MARCHF6: variants seen among roughly 807,000 people sequenced by gnomAD.
MARCHF6 encodes the protein membrane associated ring-CH-type finger 6, also known as E3 ubiquitin-protein ligase MARCHF6.
Under a neutral mutation model 133.7 loss-of-function variants are expected in MARCHF6, and 31 were observed. That is an observed-to-expected ratio of 0.23 (90% CI 0.17 to 0.31). MARCHF6 has a LOEUF of 0.31. Ranked by LOEUF, MARCHF6 falls within the 10% of genes least tolerant of loss-of-function variation. The probability of loss-of-function intolerance (pLI) is 1.00; values close to 1 mark genes in which losing one functional copy is unlikely to be tolerated. For synonymous variants in MARCHF6, 395 were observed against 402.5 expected, an observed-to-expected ratio of 0.98 and a Z score of 0.22; for missense variants, 723 against 1,121.6, an observed-to-expected ratio of 0.64 and a Z score of 5.08.
At chr5:10,421,759 T>C (rs1739835825) in intron 22 of MARCHF6, among the ~76,000 whole-genome samples, 1 of 152,132 alleles carries the variant, frequency 6.6e-6, no homozygotes, top group African/African-American at 2.4e-5. Context: ...TCCCTGCCTG[T>C]GAGAAAAAGC....
At chr5:10,410,346 A>G in intron 18 of MARCHF6, 70 bp downstream of exon 18, 2 of 1,541,768 alleles carry the variant, frequency 1.3e-6, no homozygotes, top group Non-Finnish European at 1.8e-6. Context: ...TTCTGGAAAA[A>G]GTATGTTCCA....
At chr5:10,417,845 T>G (rs1197198967) in intron 22 of MARCHF6, among the ~76,000 whole-genome samples, 1 of 152,118 alleles carries the variant, frequency 6.6e-6, no homozygotes, top group Non-Finnish European at 1.5e-5. Context: ...TAAAATTGTT[T>G]AATGCTCTTT....
intron 12 of MARCHF6, 79 bp downstream of exon 12, chr5:10,402,218 C>A: frequency 8.9e-7 from 1 of 1,126,438 alleles, no homozygotes; most frequent in Non-Finnish European, 1.3e-6. Flanking sequence ...CGAAACTTGT[C>A]TATCCTTGTC....
At chr5:10,431,626 A>AGTGT (rs10574367) in intron 25 of MARCHF6, among the ~76,000 whole-genome samples, 2,890 of 148,470 alleles carry the variant, frequency 0.019, 42 homozygotes, top group East Asian at 0.087. Context: ...AGAGTGAGTG[A>AGTGT]GTGTGTGTGT....
At chr5:10,385,972 A>G (rs1179671582) in intron 4 of MARCHF6, among the ~76,000 whole-genome samples, 1 of 151,786 alleles carries the variant, frequency 6.6e-6, no homozygotes, top group African/African-American at 2.4e-5. Flanking sequence ...ACTTTTCTCT[A>G]GCTTAGCATC....
intron 1 of MARCHF6, among the ~76,000 whole-genome samples, chr5:10,357,213 CTTTTT>C (rs35082316): frequency 3.5e-5 from 5 of 144,716 alleles, no homozygotes; most frequent in African/African-American, 5.1e-5. Context: ...CAAGGATATA[CTTTTT>C]TTTTTTTTTT....
chr5:10,429,325 CTG>C (rs1455065603), intron 24 of MARCHF6, among the ~76,000 whole-genome samples: 2 of 151,346 alleles, frequency 1.3e-5, no homozygotes, highest in Non-Finnish European at 2.9e-5. Context: ...CTTCTTTAAA[CTG>C]TGGTGCAGTA....
intron 23 of MARCHF6, 47 bp from the exon 24 acceptor site, chr5:10,426,343 G>A: frequency 6.3e-7 from 1 of 1,597,204 alleles, no homozygotes; most frequent in East Asian, 2.3e-5. Flanking sequence ...TAACTTGGAG[G>A]AATTTGTCTT....
intron 15 of MARCHF6, among the ~76,000 whole-genome samples, chr5:10,404,412 T>C (rs2126770088): frequency 6.6e-6 from 1 of 152,230 alleles, no homozygotes. Flanking sequence ...TTCTTAGTGA[T>C]TTGAAGATGA....
chr5:10,391,689 G>A lies in MARCHF6; in HGVS notation c.724G>A (p.Ala242Thr), dbSNP rs908959812. ...GGAGGACAATGAGGAGGAAGATGAC[G>A]CTGGTGTGGAGGATGCGGCAGATGC... ...EEEDNEEEDDAGVEDAADANN... is the reference protein window; with the variant it reads ...EEEDNEEEDDTGVEDAADANN... Residue 242 changes from alanine to threonine, a missense_variant, in exon 7 of 26, where the codon GCT (alanine) becomes ACT (threonine). Around this residue, in one of 4 missense-constraint regions of MARCHF6, gnomAD observed 97 missense variants for 115.4 expected, o/e 0.84. Transcript: ENST00000274140. 4 of 1,603,378 alleles carry A rather than the reference G, an allele frequency of 2.5e-6. No homozygotes were observed. Among genetic ancestry groups the A allele is most frequent in the African/African-American group, 1.3e-5 (1 of 74,200 alleles).
chr5:10,354,116 C>G (rs1182501831), intron 1 of MARCHF6, 199 bp downstream of exon 1: 1 of 389,488 alleles, frequency 2.6e-6, no homozygotes, highest in Admixed American at 4.8e-5. Flanking sequence ...GCCCGCGCCG[C>G]CGAGGGGGGC....
At chr5:10,380,313 T>G (rs1275504530) in intron 3 of MARCHF6, among the ~76,000 whole-genome samples, 1 of 152,176 alleles carries the variant, frequency 6.6e-6, no homozygotes, top group Non-Finnish European at 1.5e-5. Flanking sequence ...ATATTCATCA[T>G]AAAAAAGTCA....
chr5:10,390,644 G>A, intron 6 of MARCHF6, 144 bp downstream of exon 6: 2 of 807,516 alleles, frequency 2.5e-6, no homozygotes, highest in Non-Finnish European at 3.8e-6. Flanking sequence ...AGGTTTGGGT[G>A]AAGATGAAGA....
chr5:10,428,140 A>C (rs1740186213), intron 24 of MARCHF6, among the ~76,000 whole-genome samples: 1 of 152,120 alleles, frequency 6.6e-6, no homozygotes, highest in Non-Finnish European at 1.5e-5. Context: ...GCAGGATGGC[A>C]TGGGAAACAG....
At chr5:10,393,466 A>G (rs1181583789) in intron 7 of MARCHF6, among the ~76,000 whole-genome samples, 3 of 152,152 alleles carry the variant, frequency 2.0e-5, no homozygotes, top group Non-Finnish European at 4.4e-5. Flanking sequence ...CGACTTGTGT[A>G]ATGGTAACAG....
At chr5:10,400,155 T>C (rs1738436659) in intron 10 of MARCHF6, among the ~76,000 whole-genome samples, 1 of 152,182 alleles carries the variant, frequency 6.6e-6, no homozygotes, top group African/African-American at 2.4e-5. Flanking sequence ...TGTTTTTCCC[T>C]TTACCATTAT....
intron 21 of MARCHF6, among the ~76,000 whole-genome samples, chr5:10,416,408 T>A (rs960133157): frequency 1.3e-5 from 2 of 152,248 alleles, no homozygotes; most frequent in African/African-American, 2.4e-5. Flanking sequence ...TCCATTTTTA[T>A]AGTGAGAGAT....
Position 10,391,590 on chromosome 5 carries a change from G to C in MARCHF6, c.625G>C (p.Ala209Pro). The C allele has an allele frequency of 6.2e-7, 1 of 1,613,118 alleles. No homozygotes were observed. ...GAENVAADQP[A>P]NPPAENAVVG... is the part of the protein sequence containing the mutation. The stretch of plus-strand genomic sequence containing the variant: ...AGAAAATGTTGCTGCTGATCAGCCT[G>C]CTAACCCACCAGCTGAGAACGCAGT... Residue 209 changes from alanine (A) to proline (P), a missense_variant, in exon 7 of 26, where the codon GCT becomes CCT. By Grantham distance (27) the Ala-to-Pro change is conservative (BLOSUM62 -1). Around this residue, in one of 4 missense-constraint regions of MARCHF6, gnomAD observed 97 missense variants for 115.4 expected, o/e 0.84. Coordinates refer to ENST00000274140, the MANE Select transcript of MARCHF6 (RefSeq NM_005885.4).
At chr5:10,423,114 G>T (rs1241597058) in intron 22 of MARCHF6, among the ~76,000 whole-genome samples, 2 of 152,008 alleles carry the variant, frequency 1.3e-5, no homozygotes, top group Admixed American at 1.3e-4. Context: ...TGTTAAGCAG[G>T]GAAGTTACGT....
Sources: allele counts gnomAD v4.1 joint callset (sites outside exome capture counted in the v4.1 genomes callset), GRCh38; gene constraint gnomAD v4.1.1; regional missense constraint gnomAD v4.1.1; transcripts MANE v1.5; gene names NCBI Gene and HGNC (gene_info 2026-07-23, HGNC 2026-07-21).